SLCO2A1: variants seen among roughly 807,000 people sequenced by gnomAD.
SLCO2A1 encodes the protein matrin F/G 1.
A neutral mutation model predicts 71.7 loss-of-function variants in SLCO2A1; 60 were observed. The observed-to-expected ratio is 0.84, with a 90% CI of 0.68 to 1.04. The LOEUF (loss-of-function observed/expected upper bound fraction) is 1.04, where lower values mean the gene tolerates loss of function less well. SLCO2A1 is among the 50% of genes least tolerant of loss of function. The probability of loss-of-function intolerance (pLI) is 0.00; values close to 1 mark genes in which losing one functional copy is unlikely to be tolerated. For missense variants in SLCO2A1, 745 were observed against 813.4 expected (o/e 0.92, Z 1.02); for synonymous variants, 308 against 326.7 (o/e 0.94, Z 0.62).
chr3:134,023,002 A>G (rs1307646564), intron 1 of SLCO2A1, among the ~76,000 whole-genome samples: 2 of 152,176 alleles, frequency 1.3e-5, no homozygotes, highest in Non-Finnish European at 2.9e-5. Flanking sequence ...ATTTCCAGTA[A>G]ACCAGCACCA....
chr3:134,005,184 A>G (rs1348701175), intron 1 of SLCO2A1, among the ~76,000 whole-genome samples: 1 of 152,208 alleles, frequency 6.6e-6, no homozygotes, highest in Non-Finnish European at 1.5e-5. Flanking sequence ...TGCATTCTGT[A>G]TATTCGTCCC....
intron 6 of SLCO2A1, 69 bp from the exon 7 acceptor site, chr3:133,949,040 G>C: frequency 4.4e-6 from 6 of 1,373,418 alleles, no homozygotes; most frequent in Non-Finnish European, 6.2e-6. Flanking sequence ...CTGAGCCCTT[G>C]AGTCTCTGGC....
rs537586895 is a variant in SLCO2A1 at position 133,978,579 on chromosome 3, G to A, written c.234+902C>T. On this transcript the variant is annotated intron_variant, in intron 2 of 13. Coordinates refer to ENST00000310926, the MANE Select transcript of SLCO2A1 (RefSeq NM_005630.3). The stretch of plus-strand genomic sequence containing the variant: ...TTGGCCAGAAGCTGCCACAGGACAG[G>A]GGCCCGGGCTCTAAGTGACTGCACT... Among the ~76,000 whole-genome samples, 3 of 152,206 alleles carry A rather than the reference G, an allele frequency of 2.0e-5. No individual in the cohort carries two copies. In the East Asian group the frequency reaches 5.8e-4, roughly 29 times the overall value.
chr3:134,011,481 T>A (rs973035440), intron 1 of SLCO2A1, among the ~76,000 whole-genome samples: 1 of 152,212 alleles, frequency 6.6e-6, no homozygotes, highest in Admixed American at 6.5e-5. Context: ...CGTCCTGATA[T>A]CAAGGGCAAT....
chr3:133,944,196 T>C lies in SLCO2A1; in HGVS notation c.1461+899A>G, dbSNP rs1227583483. Among the ~76,000 whole-genome samples, 6 of 152,206 alleles carry C rather than the reference T, an allele frequency of 3.9e-5. No homozygotes were observed. The East Asian group carries it at 1.2e-3, about 29-fold the overall frequency. On this transcript the variant is annotated intron_variant, in intron 10 of 13. Coordinates refer to ENST00000310926, the MANE Select transcript of SLCO2A1 (RefSeq NM_005630.3). ...TGTTCTTCTGGTTGTTCACTTCTAA[T>C]GTCACCCTCTCCCGGAGGCCCCTGG...
Position 133,945,184 on chromosome 3 carries a change from C to G in SLCO2A1, c.1372G>C (p.Val458Leu). ...CSCPDSIFHP[V>L]CGDNGIEYLS... ...TACTCGATTCCATTGTCTCCACAGA[C>G]CGGGTGGAAGATAGAATCTGGGCAC... is the stretch of plus-strand genomic sequence containing the variant. The change falls in exon 10 of 14, where the codon GTC (valine) becomes CTC (leucine). Residue 458 changes from valine to leucine, a missense_variant. Coordinates refer to ENST00000310926, the MANE Select transcript of SLCO2A1 (RefSeq NM_005630.3). 1.9e-6 allele frequency: 3 copies of G among 1,614,158 alleles called. No homozygotes were observed. In the East Asian group the frequency reaches 6.7e-5, roughly 36 times the overall value.
intron 1 of SLCO2A1, among the ~76,000 whole-genome samples, chr3:134,003,970 T>C (rs1400983968): frequency 6.6e-6 from 1 of 152,200 alleles, no homozygotes; most frequent in Non-Finnish European, 1.5e-5. Flanking sequence ...GTACAGCAGC[T>C]TTTGTGCTTG....
At chr3:133,962,886 C>G (rs562694027) in intron 3 of SLCO2A1, among the ~76,000 whole-genome samples, 10 of 152,306 alleles carry the variant, frequency 6.6e-5, no homozygotes, top group Admixed American at 6.5e-4. Flanking sequence ...GCCACCTGCC[C>G]CTATCTTGGA....
intron 1 of SLCO2A1, among the ~76,000 whole-genome samples, chr3:133,996,200 G>C (rs1934960186): frequency 6.6e-6 from 1 of 152,178 alleles, no homozygotes; most frequent in Non-Finnish European, 1.5e-5. Flanking sequence ...CCTCATCTGG[G>C]GGAACCTCTG....
Position 133,932,917 on chromosome 3 carries a change from C to G in SLCO2A1, c.*1796G>C, listed in dbSNP as rs1307580696. On this transcript the variant is annotated 3_prime_UTR_variant, in exon 14 of 14. Transcript: ENST00000310926. ...ACCATTTCAAATGCTAAAACTGGCCCCTGAGGTTACATTGAGCCTCCCTTC... is the reference window on the plus strand; with the variant it reads ...ACCATTTCAAATGCTAAAACTGGCCGCTGAGGTTACATTGAGCCTCCCTTC... The G allele has an allele frequency of 6.6e-6, 1 of 152,550 alleles. No individual in the cohort carries two copies. Among genetic ancestry groups the G allele is most frequent in the East Asian group, 1.9e-4 (1 of 5,188 alleles). The allele number at this position is 152,550 out of a possible 1,614,324, so 9.4% of individuals were successfully genotyped here. A position where few individuals can be genotyped will look rare whatever the true frequency, so the allele number is the denominator to read the frequency against.
At chr3:134,015,394 T>C (rs1935426963) in intron 1 of SLCO2A1, among the ~76,000 whole-genome samples, 1 of 120,304 alleles carries the variant, frequency 8.3e-6, no homozygotes, top group Admixed American at 1.2e-4. Flanking sequence ...AAAGCTGAAC[T>C]CATAGAAGTA....
intron 5 of SLCO2A1, among the ~76,000 whole-genome samples, chr3:133,953,422 G>A (rs2108044837): frequency 6.6e-6 from 1 of 152,348 alleles, no homozygotes; most frequent in South Asian, 2.1e-4. Context: ...CTTCTTAAGG[G>A]CAGAAAGTGA....
chr3:133,971,733 T>G (rs1360332905), intron 3 of SLCO2A1, among the ~76,000 whole-genome samples: 5 of 152,190 alleles, frequency 3.3e-5, no homozygotes, highest in African/African-American at 1.2e-4. Context: ...TACAGTGGAC[T>G]AAGGGTGAGC....
chr3:133,958,638 C>A (rs1933950628), intron 3 of SLCO2A1, among the ~76,000 whole-genome samples: 1 of 152,218 alleles, frequency 6.6e-6, no homozygotes, highest in Non-Finnish European at 1.5e-5. Context: ...CTCAACACAG[C>A]TGTGCAGTCA....
rs1219655505 is a variant in SLCO2A1 at position 133,935,355 on chromosome 3, G to C, written c.1814+419C>G. ...GGACTTGGCCCATTGAGGCAGGTTGGTCCCCCTGCCCTGGACCTCTGCCAG... is the reference window on the plus strand; with the variant it reads ...GGACTTGGCCCATTGAGGCAGGTTGCTCCCCCTGCCCTGGACCTCTGCCAG... On this transcript the variant is annotated intron_variant, in intron 13 of 13. Transcript: ENST00000310926. Among the ~76,000 whole-genome samples, 68 of 152,286 alleles carry C rather than the reference G, an allele frequency of 4.5e-4. 1 individual carries two copies.
At chr3:133,984,596 G>A (rs376205101) in intron 1 of SLCO2A1, among the ~76,000 whole-genome samples, 5 of 152,112 alleles carry the variant, frequency 3.3e-5, no homozygotes. Flanking sequence ...TCGGCTGCTC[G>A]AACTTACCAA....
chr3:133,938,556 G>T, intron 11 of SLCO2A1, 63 bp from the exon 12 acceptor site: 1 of 1,520,702 alleles, frequency 6.6e-7, no homozygotes, highest in East Asian at 2.3e-5. Context: ...CCTTGGGTAA[G>T]GGGCAGCCAG....
At chr3:133,966,971 C>T (rs1427789561) in intron 3 of SLCO2A1, among the ~76,000 whole-genome samples, 1 of 152,220 alleles carries the variant, frequency 6.6e-6, no homozygotes, top group South Asian at 2.1e-4. Context: ...ATTCTCAACA[C>T]TGTTCCCAGG....
rs749906389 is a variant in SLCO2A1 at position 133,935,944 on chromosome 3, A to C, written c.1691-47T>G. ...CCTGGTCAGGTGGAACTGCAGGCAG[A>C]GGTGTCCAGCAGGGGTGTGGGAGCC... On this transcript the variant is annotated intron_variant, in intron 12 of 13. Coordinates refer to ENST00000310926, the MANE Select transcript of SLCO2A1 (RefSeq NM_005630.3). 5 of 1,507,864 alleles carry C rather than the reference A, an allele frequency of 3.3e-6. No homozygotes were observed. The East Asian group carries it at 1.2e-4, about 36-fold the overall frequency. The allele number at this position is 1,507,864 out of a possible 1,614,324, so 93.4% of individuals were successfully genotyped here.
Sources: allele counts gnomAD v4.1 joint callset (sites outside exome capture counted in the v4.1 genomes callset), GRCh38; gene constraint gnomAD v4.1.1; transcripts MANE v1.5; gene names NCBI Gene and HGNC (gene_info 2026-07-23, HGNC 2026-07-21).